Variants in SLCO3A1 observed in about 807,000 individuals in gnomAD.
The protein encoded by SLCO3A1 is solute carrier organic anion transporter family member 3A1.
Under a neutral mutation model 63.1 loss-of-function variants are expected in SLCO3A1, and 27 were observed. The ratio of observed to expected loss-of-function variants is 0.43; its 90% CI spans 0.32 to 0.59. SLCO3A1 has a LOEUF of 0.59. Among genes scored for constraint, SLCO3A1 ranks in the 20% least tolerant of loss-of-function variants. The pLI is 0.09. For missense variants in SLCO3A1, 773 were observed against 945.8 expected, an observed-to-expected ratio of 0.82 and a Z score of 2.40; for synonymous variants, 473 against 409.9, an observed-to-expected ratio of 1.15 and a Z score of -1.86.
At chr15:91,939,353 A>G (rs1899534031) in intron 2 of SLCO3A1, among the ~76,000 whole-genome samples, 2 of 152,220 alleles carry the variant, frequency 1.3e-5, no homozygotes, top group African/African-American at 2.4e-5. Flanking sequence ...CCATAATCCA[A>G]TCACCTCCCG....
intron 7 of SLCO3A1, among the ~76,000 whole-genome samples, chr15:92,135,918 A>G (rs1354949687): frequency 6.6e-6 from 1 of 152,138 alleles, no homozygotes; most frequent in East Asian, 1.9e-4. Flanking sequence ...CTGTAATCCC[A>G]TCTACTCAGG....
At chr15:91,996,527 A>G (rs907009554) in intron 2 of SLCO3A1, among the ~76,000 whole-genome samples, 2 of 152,168 alleles carry the variant, frequency 1.3e-5, no homozygotes, top group Admixed American at 6.5e-5. Context: ...AAAGTAGATG[A>G]CCAAGAATAA....
intron 2 of SLCO3A1, among the ~76,000 whole-genome samples, chr15:92,037,227 G>T (rs1184359960): frequency 6.6e-6 from 1 of 152,162 alleles, no homozygotes; most frequent in East Asian, 1.9e-4. Context: ...TGGTAACAAT[G>T]TTCATGCCAA....
intron 2 of SLCO3A1, among the ~76,000 whole-genome samples, chr15:91,994,540 G>A (rs1315772043): frequency 6.6e-6 from 1 of 152,152 alleles, no homozygotes; most frequent in African/African-American, 2.4e-5. Flanking sequence ...CCTTAAGGAG[G>A]AGCATGTTTT....
At chr15:91,924,010 T>A (rs1953134228) in intron 2 of SLCO3A1, among the ~76,000 whole-genome samples, 2 of 152,234 alleles carry the variant, frequency 1.3e-5, no homozygotes, top group African/African-American at 4.8e-5. Flanking sequence ...ATAGATTCAG[T>A]GTGAGCTGAA....
At position 91,942,596 on chromosome 15, in the gene SLCO3A1, TG is replaced by T. The variant is rs1899660832; in HGVS notation, c.646+26139del. Reference sequence around the variant, plus strand: ...ATGTATGTTTGTTTGTTTGTTTGTTTGTTTCGAGACCGAGTCTTGCTCTGTC... The same window carrying T: ...ATGTATGTTTGTTTGTTTGTTTGTTTTTTCGAGACCGAGTCTTGCTCTGTC... On this transcript the variant is annotated intron_variant, in intron 2 of 9. Transcript: ENST00000318445. This position sits in a 1 kb window ranked among gnomAD's most constrained non-coding sequence, Gnocchi z 4.1. Among the ~76,000 whole-genome samples the T allele has an allele frequency of 6.6e-6, 1 of 152,178 alleles. No homozygotes were observed. The highest frequency in any genetic ancestry group is 1.5e-5 in the Non-Finnish European group (1 of 68,044).
chr15:92,165,219 C>T lies in SLCO3A1; in HGVS notation c.*2084C>T. ...TACCTGGGGCAGGATGCTTCTGAGA[C>T]AGGCCTTTCAACTGCTTAGTGTTAG... On this transcript the variant is annotated 3_prime_UTR_variant, in exon 10 of 10. Transcript: ENST00000318445. 1.0e-6 allele frequency: 1 copy of T among 985,374 alleles called. No homozygotes were observed. The highest frequency in any genetic ancestry group is 4.7e-5 in the South Asian group (1 of 21,274). 61.0% of individuals were successfully genotyped at this position (985,374 alleles called of 1,614,324 possible). A position where few individuals can be genotyped will look rare whatever the true frequency, so the allele number is the denominator to read the frequency against.
rs76189182 is a variant in SLCO3A1, at chr15:91,862,402, C to T, written c.180+8314C>T. Reference sequence around the variant, plus strand: ...AACTCCTGACCTCAAGTGATCCACTCACCTCAGCCTTAGCATTGGTTTTGG... The same window carrying T: ...AACTCCTGACCTCAAGTGATCCACTTACCTCAGCCTTAGCATTGGTTTTGG... On this transcript the variant is annotated intron_variant, in intron 1 of 9. Coordinates refer to ENST00000318445, the MANE Select transcript of SLCO3A1 (RefSeq NM_013272.4). This position sits in a 1 kb window ranked among gnomAD's most constrained non-coding sequence, Gnocchi z 4.0. Among the ~76,000 whole-genome samples, 471 of 152,216 alleles carry T rather than the reference C, an allele frequency of 3.1e-3. No individual in the cohort carries two copies. Among genetic ancestry groups the T allele is most frequent in the African/African-American group, 8.8e-3 (365 of 41,520 alleles).
chr15:92,077,214 C>T (rs2047288432), intron 2 of SLCO3A1, among the ~76,000 whole-genome samples: 1 of 152,172 alleles, frequency 6.6e-6, no homozygotes, highest in South Asian at 2.1e-4. Flanking sequence ...ATGGGAGCTA[C>T]AATTCAAGAT....
chr15:92,146,826 G>A (rs566346032), intron 7 of SLCO3A1, among the ~76,000 whole-genome samples, 158 bp from the exon 8 acceptor site: 1 of 151,558 alleles, frequency 6.6e-6, no homozygotes, highest in East Asian at 1.9e-4. Context: ...GTGTTTTGCA[G>A]CCTCCTTAAA....
At chr15:92,029,738 G>A (rs1400093033) in intron 2 of SLCO3A1, among the ~76,000 whole-genome samples, 1 of 150,702 alleles carries the variant, frequency 6.6e-6, no homozygotes, top group Non-Finnish European at 1.5e-5. Context: ...ATAAGATTTT[G>A]TCAAAAGGAA....
At chr15:92,156,219 C>T (rs952745869) in intron 9 of SLCO3A1, among the ~76,000 whole-genome samples, 1 of 152,114 alleles carries the variant, frequency 6.6e-6, no homozygotes, top group Non-Finnish European at 1.5e-5. Flanking sequence ...GCCCAGGGGC[C>T]CCAGGTGAGA....
At chr15:91,877,392 T>G (rs1897426321) in intron 1 of SLCO3A1, among the ~76,000 whole-genome samples, 1 of 152,262 alleles carries the variant, frequency 6.6e-6, no homozygotes, top group Non-Finnish European at 1.5e-5. Flanking sequence ...ATTGAGCTTC[T>G]GTGACTTGTC....
rs1342919952 is a variant in SLCO3A1, at chr15:91,954,662, T to C, written c.646+38204T>C. Among the ~76,000 whole-genome samples the C allele has an allele frequency of 3.3e-5, 5 of 151,736 alleles. No individual in the cohort carries two copies. The highest frequency in any genetic ancestry group is 7.4e-5 in the Non-Finnish European group (5 of 67,944). On this transcript the variant is annotated intron_variant, in intron 2 of 9. Coordinates refer to ENST00000318445, the MANE Select transcript of SLCO3A1 (RefSeq NM_013272.4). The surrounding 1 kb of genome is among the most constrained non-coding windows in gnomAD (Gnocchi z 4.7). ...TGTTGCAGGTCCAGGAAGTGGCCCA[T>C]ATATGATTTTTATCAGGGTGGAGCC... is the stretch of plus-strand genomic sequence containing the variant.
In SLCO3A1 at chr15:91,950,080, A is replaced by T. The variant is rs1464348877; in HGVS notation, c.646+33622A>T. Among the ~76,000 whole-genome samples, 2 of 152,234 alleles carry T rather than the reference A, an allele frequency of 1.3e-5. No individual in the cohort carries two copies. Among genetic ancestry groups the T allele is most frequent in the African/African-American group, 4.8e-5 (2 of 41,462 alleles). Reference sequence around the variant, plus strand: ...AAGAGATAAATGCCCTGCTGTGGAAATGTAGAGGAGGAAAAATTAGTCCTG... The same window carrying T: ...AAGAGATAAATGCCCTGCTGTGGAATTGTAGAGGAGGAAAAATTAGTCCTG... On this transcript the variant is annotated intron_variant, in intron 2 of 9. Transcript: ENST00000318445. The surrounding 1 kb of genome is among the most constrained non-coding windows in gnomAD (Gnocchi z 4.4).
chr15:92,047,593 A>AATATATAAATAT lies in SLCO3A1; in HGVS notation c.647-47280_647-47279insATATATATATAA, dbSNP rs1555427745. On this transcript the variant is annotated intron_variant, in intron 2 of 9. Transcript: ENST00000318445. ...ATAAATATATATATAATATATATAT[A>AATATATAAATAT]ATATATAATATATATATAATATATA... Among the ~76,000 whole-genome samples, 41 of 6,266 alleles carry AATATATAAATAT rather than the reference A, an allele frequency of 6.5e-3. 4 individuals carry two copies. The highest frequency in any genetic ancestry group is 0.011 in the African/African-American group (37 of 3,286). The allele number at this position is 6,266 out of a possible 152,430, so 4.1% of individuals were successfully genotyped here. A position where few individuals can be genotyped will look rare whatever the true frequency, so the allele number is the denominator to read the frequency against.
chr15:92,090,104 T>C (rs979621896), intron 2 of SLCO3A1, among the ~76,000 whole-genome samples: 2 of 152,204 alleles, frequency 1.3e-5, no homozygotes, highest in African/African-American at 4.8e-5. Flanking sequence ...AACTGCACAG[T>C]TTCTGAAACC....
intron 2 of SLCO3A1, among the ~76,000 whole-genome samples, chr15:92,037,494 C>T (rs935034960): frequency 2.8e-4 from 42 of 152,202 alleles, no homozygotes; most frequent in Non-Finnish European, 4.0e-4. Flanking sequence ...AACAGGGAGT[C>T]AGCTTCTAGA....
intron 2 of SLCO3A1, among the ~76,000 whole-genome samples, chr15:92,085,392 C>T (rs1386047303): frequency 2.0e-5 from 3 of 152,202 alleles, no homozygotes; most frequent in African/African-American, 7.2e-5. Flanking sequence ...CCCAGTTTTG[C>T]GTAGGCATAT....
Sources: allele counts gnomAD v4.1 joint callset (sites outside exome capture counted in the v4.1 genomes callset), GRCh38; gene constraint gnomAD v4.1.1; non-coding constraint Gnocchi (gnomAD v3.1); transcripts MANE v1.5; gene names NCBI Gene and HGNC (gene_info 2026-07-23, HGNC 2026-07-21).